The following LRMDA variants were observed in gnomAD, a reference collection of about 807,000 sequenced individuals.
The protein encoded by LRMDA is leucine-rich melanocyte differentiation-associated protein.
LRMDA carries 18 observed loss-of-function variants against 29.8 expected under a neutral mutation model. The ratio of observed to expected loss-of-function variants is 0.60; its 90% CI spans 0.42 to 0.90. LRMDA has a LOEUF of 0.90. Ranked by LOEUF, LRMDA falls within the 40% of genes least tolerant of loss-of-function variation. The pLI is 0.00. For synonymous variants in LRMDA, 125 were observed against 109.4 expected (o/e 1.14, Z -0.89); for missense variants, 273 against 273.9 (o/e 1.00, Z 0.02).
At chr10:75,790,893 G>A (rs544776089) in intron 2 of LRMDA, among the ~76,000 whole-genome samples, 1 of 152,322 alleles carries the variant, frequency 6.6e-6, no homozygotes, top group Non-Finnish European at 1.5e-5. Context: ...GGTGGCTTTC[G>A]TTGTAATGGT....
chr10:76,504,168 T>G (rs1388048851), intron 6 of LRMDA, among the ~76,000 whole-genome samples: 1 of 152,010 alleles, frequency 6.6e-6, no homozygotes, highest in Admixed American at 6.6e-5. Context: ...TGATTTCCAT[T>G]TTTATTATGG....
chr10:75,560,222 G>T (rs886908011), intron 2 of LRMDA, among the ~76,000 whole-genome samples: 3 of 152,114 alleles, frequency 2.0e-5, no homozygotes, highest in African/African-American at 7.2e-5. Context: ...GCAGTGGTTT[G>T]TAGTTCTCCT....
intron 2 of LRMDA, among the ~76,000 whole-genome samples, chr10:75,517,197 CCATATGAACTT>C (rs1423208094): frequency 6.6e-6 from 1 of 151,924 alleles, no homozygotes; most frequent in African/African-American, 2.4e-5. Flanking sequence ...TTTTTTGGTT[CCATATGAACTT>C]TAAAGTAGTT....
chr10:75,527,497 C>T (rs1845426692), intron 2 of LRMDA, among the ~76,000 whole-genome samples: 1 of 151,844 alleles, frequency 6.6e-6, no homozygotes, highest in Admixed American at 6.6e-5. Flanking sequence ...ATTTTATATT[C>T]CCACCAGTAA....
chr10:75,914,439 T>C (rs2132380639), intron 2 of LRMDA, among the ~76,000 whole-genome samples: 1 of 152,376 alleles, frequency 6.6e-6, no homozygotes, highest in Admixed American at 6.5e-5. Context: ...GCACTTACAC[T>C]GCCATATAAG....
At chr10:75,852,143 G>T (rs949361053) in intron 2 of LRMDA, among the ~76,000 whole-genome samples, 1 of 152,194 alleles carries the variant, frequency 6.6e-6, no homozygotes, top group African/African-American at 2.4e-5. Flanking sequence ...CTGGCAGTAG[G>T]CCCTGAGCCA....
In LRMDA at chr10:75,870,718, A is replaced by G. The variant is rs115171852; in HGVS notation, c.132-165290A>G. Among the ~76,000 whole-genome samples, 852 of 149,960 alleles carry G rather than the reference A, an allele frequency of 5.7e-3. 5 individuals are homozygous for G. Among genetic ancestry groups the G allele is most frequent in the African/African-American group, 0.02 (812 of 40,740 alleles). On this transcript the variant is annotated intron_variant, in intron 2 of 6. Transcript: ENST00000611255. ...CTCCTTGCTGTCTCATCCTTTGTCTACTCTCCCCATTCACTGTTTCTTTGT... is the reference window on the plus strand; with the variant it reads ...CTCCTTGCTGTCTCATCCTTTGTCTGCTCTCCCCATTCACTGTTTCTTTGT...
At chr10:75,453,461 G>T (rs1480405232) in intron 2 of LRMDA, among the ~76,000 whole-genome samples, 1 of 152,184 alleles carries the variant, frequency 6.6e-6, no homozygotes, top group Non-Finnish European at 1.5e-5. Context: ...TACTGCTAAA[G>T]AAATGAAAGC....
chr10:75,953,594 A>C (rs769367505), intron 2 of LRMDA, among the ~76,000 whole-genome samples: 136 of 152,328 alleles, frequency 8.9e-4, no homozygotes, highest in Non-Finnish European at 1.5e-3. Context: ...GAATAGTGCT[A>C]TCTGCTACCC....
Position 75,510,404 on chromosome 10 carries a change from C to G in LRMDA, c.131+71910C>G, listed in dbSNP as rs1589164698. On this transcript the variant is annotated intron_variant, in intron 2 of 6. Coordinates refer to ENST00000611255, the MANE Select transcript of LRMDA (RefSeq NM_001305581.2). ...AAGAAAAGCATAGATGCTGTTGGGT[C>G]CCTGGGAAGAGGACTTGTATGTTAC... 3.3e-5 allele frequency among the ~76,000 whole-genome samples: 5 copies of G among 152,246 alleles called. No individual in the cohort carries two copies. In the South Asian group the frequency reaches 1.0e-3, roughly 32 times the overall value.
chr10:76,192,247 G>A (rs1851259578), intron 5 of LRMDA, among the ~76,000 whole-genome samples: 1 of 152,196 alleles, frequency 6.6e-6, no homozygotes, highest in African/African-American at 2.4e-5. Context: ...CCTCCAGTGA[G>A]TCTAATTTCT....
rs1351034261 is a variant in LRMDA, at chr10:76,495,771, G to A, written c.602-61438G>A. 2.6e-5 allele frequency among the ~76,000 whole-genome samples: 4 copies of A among 151,858 alleles called. No individual in the cohort carries two copies. In the East Asian group the frequency reaches 7.8e-4, roughly 30 times the overall value. On this transcript the variant is annotated intron_variant, in intron 6 of 6. Coordinates refer to ENST00000611255, the MANE Select transcript of LRMDA (RefSeq NM_001305581.2). ...AAGTATTTCATGTATTTGGGTAATT[G>A]TAAATGGTATTACATTAGTTATTTC...
chr10:75,530,825 G>T (rs1377862648), intron 2 of LRMDA, among the ~76,000 whole-genome samples: 1 of 152,168 alleles, frequency 6.6e-6, no homozygotes, highest in Non-Finnish European at 1.5e-5. Context: ...ATTGATCCTG[G>T]AGGACAGGAT....
chr10:75,497,029 G>A (rs1451360085), intron 2 of LRMDA, among the ~76,000 whole-genome samples: 1 of 151,518 alleles, frequency 6.6e-6, no homozygotes, highest in Non-Finnish European at 1.5e-5. Context: ...GAGATTGACA[G>A]AGAATGAAGA....
chr10:76,228,444 G>A (rs1481020752), intron 5 of LRMDA, among the ~76,000 whole-genome samples: 3 of 152,198 alleles, frequency 2.0e-5, no homozygotes, highest in African/African-American at 4.8e-5. Flanking sequence ...TGTGGGAGAT[G>A]AAGTTCATAC....
chr10:76,501,880 A>G lies in LRMDA; in HGVS notation c.602-55329A>G, dbSNP rs189066028. Among the ~76,000 whole-genome samples the G allele has an allele frequency of 2.6e-5, 4 of 151,886 alleles. No homozygotes were observed. In the East Asian group the frequency reaches 5.8e-4, roughly 22 times the overall value. On this transcript the variant is annotated intron_variant, in intron 6 of 6. Coordinates refer to ENST00000611255, the MANE Select transcript of LRMDA (RefSeq NM_001305581.2). ...TCGTTTAATTAGGGCTCACTTGTCT[A>G]TTTTTGTTTTAGTTACAATTGCTTT...
intron 2 of LRMDA, among the ~76,000 whole-genome samples, chr10:75,503,586 G>T (rs1370934925): frequency 6.6e-6 from 1 of 151,932 alleles, no homozygotes; most frequent in Non-Finnish European, 1.5e-5. Context: ...TATAGAAGTT[G>T]CAATCCCTTT....
intron 2 of LRMDA, among the ~76,000 whole-genome samples, chr10:75,483,301 C>T (rs1042858468): frequency 6.6e-6 from 1 of 152,138 alleles, no homozygotes; most frequent in African/African-American, 2.4e-5. Flanking sequence ...TCCCCATGAA[C>T]AAATAGGTAC....
At chr10:76,524,301 A>G (rs1399691808) in intron 6 of LRMDA, among the ~76,000 whole-genome samples, 1 of 152,186 alleles carries the variant, frequency 6.6e-6, no homozygotes, top group East Asian at 1.9e-4. Flanking sequence ...ATGTTAAGGG[A>G]GAAAAAAAGC....
Sources: allele counts gnomAD v4.1 joint callset (sites outside exome capture counted in the v4.1 genomes callset), GRCh38; gene constraint gnomAD v4.1.1; transcripts MANE v1.5; gene names NCBI Gene and HGNC (gene_info 2026-07-23, HGNC 2026-07-21).